WWOX: variants seen among roughly 807,000 people sequenced by gnomAD.
The protein encoded by WWOX is WW domain-containing oxidoreductase.
In WWOX, 69 loss-of-function variants were observed where a neutral mutation model predicts 46.2. That is an observed-to-expected ratio of 1.49 (90% confidence interval 1.23 to 1.82). The LOEUF is 1.82. Among genes scored for constraint, WWOX ranks in the 40% most tolerant of loss-of-function variants. The probability of loss-of-function intolerance (pLI) is 0.00; values close to 1 mark genes in which losing one functional copy is unlikely to be tolerated. For missense variants in WWOX, 919 were observed against 542.6 expected (o/e 1.69, Z -6.89); for synonymous variants, 359 against 202.6 (o/e 1.77, Z -6.56).
At chr16:78,957,395 G>C (rs1326270376) in intron 8 of WWOX, among the ~76,000 whole-genome samples, 5 of 152,172 alleles carry the variant, frequency 3.3e-5, no homozygotes, top group Non-Finnish European at 7.3e-5. Context: ...CTCTTTAGTT[G>C]TAAAAACACC....
At chr16:78,581,238 A>T (rs1170799231) in intron 8 of WWOX, among the ~76,000 whole-genome samples, 1 of 152,224 alleles carries the variant, frequency 6.6e-6, no homozygotes, top group African/African-American at 2.4e-5. Flanking sequence ...CTAAAATGAC[A>T]CTACATTAAT....
intron 8 of WWOX, among the ~76,000 whole-genome samples, chr16:78,698,401 T>C (rs985202484): frequency 6.6e-6 from 1 of 152,242 alleles, no homozygotes; most frequent in Non-Finnish European, 1.5e-5. Flanking sequence ...TTTTGAAAAT[T>C]AAAATTCATT....
At chr16:78,905,970 G>C (rs763787635) in intron 8 of WWOX, among the ~76,000 whole-genome samples, 7 of 152,218 alleles carry the variant, frequency 4.6e-5, no homozygotes, top group Non-Finnish European at 7.3e-5. Flanking sequence ...GGGAGAAGTA[G>C]CTGCATGCTT....
At chr16:78,574,104 G>A (rs1353208477) in intron 8 of WWOX, among the ~76,000 whole-genome samples, 1 of 152,132 alleles carries the variant, frequency 6.6e-6, no homozygotes, top group East Asian at 1.9e-4. Flanking sequence ...GCTGTTGGCT[G>A]GAGGTACCCC....
intron 8 of WWOX, among the ~76,000 whole-genome samples, chr16:78,603,171 A>T (rs1042776178): frequency 1.3e-5 from 2 of 152,170 alleles, no homozygotes; most frequent in Admixed American, 6.5e-5. Context: ...TATGCACATC[A>T]TCTTCTAACA....
chr16:78,851,285 A>C (rs8060856), intron 8 of WWOX, among the ~76,000 whole-genome samples: 36,075 of 152,120 alleles, frequency 0.24, 4,817 homozygotes, highest in South Asian at 0.35. Flanking sequence ...AATTTTCAAC[A>C]GGAGCTATAA....
intron 4 of WWOX, among the ~76,000 whole-genome samples, chr16:78,161,016 T>C (rs2034774945): frequency 6.6e-6 from 1 of 152,204 alleles, no homozygotes; most frequent in African/African-American, 2.4e-5. Flanking sequence ...AAATTTACCA[T>C]TGTGAAATAT....
At chr16:78,994,852 C>G (rs1197065552) in intron 8 of WWOX, among the ~76,000 whole-genome samples, 1 of 151,628 alleles carries the variant, frequency 6.6e-6, no homozygotes, top group Non-Finnish European at 1.5e-5. Context: ...TTTTCAGGAG[C>G]TGTGAAGCCA....
intron 5 of WWOX, among the ~76,000 whole-genome samples, chr16:78,274,711 A>G (rs966339441): frequency 5.3e-5 from 8 of 152,164 alleles, no homozygotes; most frequent in African/African-American, 7.2e-5. Context: ...GACATGTTCA[A>G]TGCTGCTTTC....
chr16:78,737,310 T>TA (rs1214178825), intron 8 of WWOX, among the ~76,000 whole-genome samples: 2 of 109,992 alleles, frequency 1.8e-5, no homozygotes, highest in Admixed American at 8.1e-5. Context: ...AATATATATA[T>TA]TTTTTAGTAC....
intron 8 of WWOX, among the ~76,000 whole-genome samples, chr16:78,662,873 T>G (rs2047249730): frequency 6.6e-6 from 1 of 152,120 alleles, no homozygotes; most frequent in Non-Finnish European, 1.5e-5. Flanking sequence ...AAAGGCAGCT[T>G]GTAACGTGGC....
At chr16:78,764,014 A>G (rs1032509756) in intron 8 of WWOX, among the ~76,000 whole-genome samples, 1 of 152,172 alleles carries the variant, frequency 6.6e-6, no homozygotes, top group South Asian at 2.1e-4. Context: ...TGCCCAGATC[A>G]TGCTTGGAGT....
chr16:78,779,418 G>C (rs1253052797), intron 8 of WWOX, among the ~76,000 whole-genome samples: 1 of 152,140 alleles, frequency 6.6e-6, no homozygotes, highest in Non-Finnish European at 1.5e-5. Flanking sequence ...TTACAGGTAA[G>C]AGCCACCGTG....
At chr16:78,404,533 C>T (rs2082482012) in intron 6 of WWOX, among the ~76,000 whole-genome samples, 1 of 152,154 alleles carries the variant, frequency 6.6e-6, no homozygotes, top group South Asian at 2.1e-4. Context: ...GAATAATAGT[C>T]ACTTTCTCTT....
intron 8 of WWOX, among the ~76,000 whole-genome samples, chr16:78,515,724 G>T (rs1230639522): frequency 6.6e-6 from 1 of 152,192 alleles, no homozygotes; most frequent in African/African-American, 2.4e-5. Context: ...GTTGCCCGTT[G>T]CCCTAGGTCT....
At chr16:78,375,929 G>A (rs1455995287) in intron 5 of WWOX, among the ~76,000 whole-genome samples, 2 of 148,812 alleles carry the variant, frequency 1.3e-5, no homozygotes, top group Non-Finnish European at 3.0e-5. Flanking sequence ...TTGGCTCACT[G>A]CAACTCCGCA....
In WWOX at chr16:79,211,599, G is replaced by C. The variant is rs777442435; in HGVS notation, c.1057-9G>C. 1.9e-6 allele frequency: 3 copies of C among 1,614,164 alleles called. No individual in the cohort carries two copies. The highest frequency in any genetic ancestry group is 2.5e-6 in the Non-Finnish European group (3 of 1,180,034). On this transcript the variant is annotated splice_polypyrimidine_tract_variant and intron_variant, in intron 8 of 8. Coordinates refer to ENST00000566780, the MANE Select transcript of WWOX (RefSeq NM_016373.4). ...AAATTTTTTTTTGTCTTTCTTCTTG[G>C]ATTTCCAGCAACAGGGAGCTGCCAC...
intron 5 of WWOX, among the ~76,000 whole-genome samples, chr16:78,204,256 A>C (rs1240669216): frequency 6.6e-6 from 1 of 152,012 alleles, no homozygotes; most frequent in Non-Finnish European, 1.5e-5. Context: ...TCTCTTTTTA[A>C]AATTTTTTTT....
chr16:78,578,837 C>A (rs968568072), intron 8 of WWOX, among the ~76,000 whole-genome samples: 12 of 152,188 alleles, frequency 7.9e-5, no homozygotes, highest in African/African-American at 1.4e-4. Flanking sequence ...ACATGTGTTA[C>A]ATGCTACAGA....
Sources: allele counts gnomAD v4.1 joint callset (sites outside exome capture counted in the v4.1 genomes callset), GRCh38; gene constraint gnomAD v4.1.1; transcripts MANE v1.5; gene names NCBI Gene and HGNC (gene_info 2026-07-23, HGNC 2026-07-21).